CFAP47: variants seen among roughly 807,000 people sequenced by gnomAD.
The protein encoded by CFAP47 is cilia and flagella associated protein 47.
In CFAP47, 29 loss-of-function variants were observed where a neutral mutation model predicts 148.1. The observed-to-expected ratio is 0.20, with a 90% confidence interval of 0.15 to 0.27. The LOEUF (loss-of-function observed/expected upper bound fraction) is 0.27. CFAP47 is among the 10% of genes least tolerant of loss of function. CFAP47 has a pLI of 1.00. For missense variants in CFAP47, 1,872 were observed against 1,697.5 expected (o/e 1.10, Z -1.81); for synonymous variants, 664 against 577.3 (o/e 1.15, Z -2.15).
chrX:36,114,493 T>C (rs1037082331), intron 33 of CFAP47, among the ~76,000 whole-genome samples: 1 of 112,115 alleles, frequency 8.9e-6, no homozygotes, highest in Non-Finnish European at 1.9e-5. Flanking sequence ...CTTCAGCCTT[T>C]AGAGTGGCTC....
At chrX:36,152,835 G>T in intron 37 of CFAP47, among the ~76,000 whole-genome samples, 1 of 111,381 alleles carries the variant, frequency 9.0e-6, no homozygotes, top group South Asian at 3.8e-4. Context: ...CTGTTCTGAT[G>T]ATGTCACTCC....
At chrX:35,955,837 A>C in intron 7 of CFAP47, 124 bp from the exon 8 acceptor site, 1 of 994,451 alleles carries the variant, frequency 1.0e-6, no homozygotes, top group East Asian at 3.3e-5. Flanking sequence ...AATTGTGTTG[A>C]ATGAAAAGAT....
chrX:36,173,959 A>G (rs958589190), intron 39 of CFAP47, among the ~76,000 whole-genome samples: 1 of 110,845 alleles, frequency 9.0e-6, no homozygotes, highest in Non-Finnish European at 1.9e-5. Context: ...GTCACTCAGG[A>G]CTTGCTTTAT....
intron 15 of CFAP47, among the ~76,000 whole-genome samples, chrX:35,981,123 G>A (rs1471368464): frequency 9.1e-6 from 1 of 109,621 alleles, no homozygotes; most frequent in Non-Finnish European, 1.9e-5. Context: ...GTAAAGTTAT[G>A]TAAGAGTAAC....
rs924461410 is a variant in CFAP47 at position 35,967,723 on chromosome X, C to T, written c.1705C>T (p.Arg569Cys). 20 of 1,205,824 alleles carry T rather than the reference C, an allele frequency of 1.7e-5. No homozygotes were observed. Among genetic ancestry groups the T allele is most frequent in the South Asian group, 3.5e-5 (2 of 56,708 alleles). Residue 569 changes from arginine (R) to cysteine (C), a missense_variant, in exon 10 of 64, where the codon CGC becomes TGC. Physicochemically the swap from Arg to Cys is radical, Grantham distance 180. Coordinates refer to ENST00000378653, the MANE Select transcript of CFAP47 (RefSeq NM_001304548.2). ...AGCAATGCTTCAATCAGCCATGACA[C>T]GCACTCACAATCATCGCTCATGTGA... Reference protein sequence around the residue: ...PVAMLQSAMTRTHNHRSCEEP... With the variant: ...PVAMLQSAMTCTHNHRSCEEP...
intron 33 of CFAP47, among the ~76,000 whole-genome samples, chrX:36,120,733 A>G (rs1348079764): frequency 9.4e-6 from 1 of 106,620 alleles, no homozygotes; most frequent in African/African-American, 3.7e-5. Flanking sequence ...GATGCTTGAT[A>G]TGATTCATTT....
At chrX:36,077,086 C>T (rs6629043) in intron 29 of CFAP47, among the ~76,000 whole-genome samples, 27,499 of 105,396 alleles carry the variant, frequency 0.26, 5,155 homozygotes, top group African/African-American at 0.64. Flanking sequence ...TATTCTGTTC[C>T]GTTGGTCTTT....
chrX:36,090,374 A>C (rs1323514688), intron 30 of CFAP47, among the ~76,000 whole-genome samples: 4 of 112,011 alleles, frequency 3.6e-5, no homozygotes. Flanking sequence ...GATTGTATGC[A>C]TATAATGGAA....
intron 29 of CFAP47, among the ~76,000 whole-genome samples, chrX:36,080,711 G>A (rs369730604): frequency 2.7e-5 from 3 of 111,068 alleles, no homozygotes; most frequent in African/African-American, 6.6e-5. Flanking sequence ...GTTCTCACTC[G>A]TAGGTGGGAA....
At position 35,993,291 on chromosome X, in the gene CFAP47, T is replaced by C; in HGVS notation, c.3069T>C (p.Thr1023=). ...ITVLNISCKP[T]VAEKFDTRAK... ...TTCTCAATATCTCCTGTAAACCCAC[T>C]GTGGCAGAAAAGTTTGATACAAGAG... is the stretch of plus-strand genomic sequence containing the variant. The change falls in exon 18 of 64, where the codon ACT becomes ACC. Residue 1023 remains threonine, a synonymous_variant. Coordinates refer to ENST00000378653, the MANE Select transcript of CFAP47 (RefSeq NM_001304548.2). 3.4e-6 allele frequency: 1 copy of C among 296,333 alleles called. No individual in the cohort carries two copies. Among genetic ancestry groups the C allele is most frequent in the Non-Finnish European group, 5.9e-6 (1 of 169,386 alleles). The allele number at this position is 296,333 out of a possible 1,213,427, so 24.4% of individuals were successfully genotyped here.
intron 24 of CFAP47, among the ~76,000 whole-genome samples, chrX:36,037,780 A>T (rs1937355879): frequency 9.0e-6 from 1 of 111,035 alleles, no homozygotes; most frequent in Admixed American, 9.6e-5. Flanking sequence ...CTCTGAAATT[A>T]TTTTTTCTCC....
At chrX:36,236,210 C>A (rs1210135637) in intron 47 of CFAP47, 133 bp downstream of exon 47, 3 of 325,079 alleles carry the variant, frequency 9.2e-6, no homozygotes, top group Non-Finnish European at 1.6e-5. Flanking sequence ...ATGAATTTGA[C>A]TATTTTTACT....
At chrX:35,988,301 C>A (rs1298570728) in intron 15 of CFAP47, among the ~76,000 whole-genome samples, 1 of 111,905 alleles carries the variant, frequency 8.9e-6, no homozygotes, top group Non-Finnish European at 1.9e-5. Flanking sequence ...TATTTACATT[C>A]AAATGTAATC....
intron 45 of CFAP47, among the ~76,000 whole-genome samples, chrX:36,218,251 G>A (rs1940178714): frequency 8.9e-6 from 1 of 112,195 alleles, no homozygotes. Context: ...CATGTGGAGG[G>A]GTTAATTAGA....
At chrX:36,306,725 A>G (rs971004828) in intron 54 of CFAP47, 47 bp from the exon 55 acceptor site, 5 of 796,229 alleles carry the variant, frequency 6.3e-6, no homozygotes, top group Non-Finnish European at 9.1e-6. Context: ...ACTCAAGCCA[A>G]TTGGGTATTA....
In CFAP47 at chrX:36,340,453, C is replaced by T. The variant is rs182267128; in HGVS notation, c.8444-7676C>T. Among the ~76,000 whole-genome samples, 924 of 111,784 alleles carry T rather than the reference C, an allele frequency of 8.3e-3. 10 individuals carry two copies. The highest frequency in any genetic ancestry group is 0.041 in the South Asian group (109 of 2,681). On this transcript the variant is annotated intron_variant, in intron 57 of 63. Coordinates refer to ENST00000378653, the MANE Select transcript of CFAP47 (RefSeq NM_001304548.2). ...TACTTTCTCACAGTTCTAGAGGCTA[C>T]GAGTCCAATGTCAAAGTGTCAGCAG...
At chrX:36,309,725 G>T in intron 55 of CFAP47, among the ~76,000 whole-genome samples, 1 of 111,093 alleles carries the variant, frequency 9.0e-6, no homozygotes, top group East Asian at 2.8e-4. Context: ...TCCCATTTAA[G>T]ATTTCTTTTA....
In CFAP47 at chrX:36,022,229, A is replaced by T. The variant is rs371472316; in HGVS notation, c.3556+7317A>T. Among the ~76,000 whole-genome samples, 253 of 111,714 alleles carry T rather than the reference A, an allele frequency of 2.3e-3. 1 individual carries two copies. Among genetic ancestry groups the T allele is most frequent in the Middle Eastern group, 4.7e-3 (1 of 213 alleles). On this transcript the variant is annotated intron_variant, in intron 22 of 63. Transcript: ENST00000378653. ...GTCTTCATTTCTCCTTCATGTTTGAAGGATAATTTTGCCAGACATACTATT... is the reference window on the plus strand; with the variant it reads ...GTCTTCATTTCTCCTTCATGTTTGATGGATAATTTTGCCAGACATACTATT...
intron 57 of CFAP47, among the ~76,000 whole-genome samples, chrX:36,338,035 ATTTTTTTT>A (rs1209274928): frequency 1.5e-4 from 7 of 46,569 alleles, no homozygotes; most frequent in South Asian, 2.1e-3. Flanking sequence ...ACGCCTGGCT[ATTTTTTTT>A]TTTTTTTTTT....
Sources: gnomAD v4.1 joint callset for allele counts (sites outside exome capture counted in the v4.1 genomes callset) on GRCh38, gnomAD v4.1.1 for gene constraint, MANE v1.5 for transcripts, NCBI Gene and HGNC (gene_info 2026-07-23, HGNC 2026-07-21) for gene names.